The following CAMTA1 variants were observed in gnomAD, a reference collection of about 807,000 sequenced individuals.
CAMTA1 encodes calmodulin-binding transcription activator 1.
Under a neutral mutation model 170.9 loss-of-function variants are expected in CAMTA1, and 27 were observed. That is an observed-to-expected ratio of 0.16 (90% confidence interval 0.12 to 0.22). The LOEUF is 0.22. CAMTA1 is among the 10% of genes least tolerant of loss of function. The pLI is 1.00. For synonymous variants in CAMTA1, 833 were observed against 891.5 expected, an observed-to-expected ratio of 0.93 and a Z score of 1.17; for missense variants, 1,619 against 2,217.2, an observed-to-expected ratio of 0.73 and a Z score of 5.42.
At chr1:7,328,721 A>T (rs2082847527) in intron 5 of CAMTA1, among the ~76,000 whole-genome samples, 1 of 151,120 alleles carries the variant, frequency 6.6e-6, no homozygotes, top group East Asian at 1.9e-4. Flanking sequence ...ACTATCTAGT[A>T]TTTTCTTTAC....
intron 4 of CAMTA1, among the ~76,000 whole-genome samples, chr1:7,150,586 C>T (rs1008404377): frequency 1.4e-4 from 21 of 152,046 alleles, no homozygotes; most frequent in Admixed American, 9.2e-4. Context: ...CAATAGCACC[C>T]CCGACAACCA....
In CAMTA1 at chr1:6,792,085, C is replaced by T. The variant is rs1353306092; in HGVS notation, c.45+6510C>T. The stretch of plus-strand genomic sequence containing the variant: ...TGTCCTGCTTCAGCCTCCAAAGTAG[C>T]TGGGATTACAGGCGTGCACCACCAT... On this transcript the variant is annotated intron_variant, in intron 1 of 22. Coordinates refer to ENST00000303635, the MANE Select transcript of CAMTA1 (RefSeq NM_015215.4). Among the ~76,000 whole-genome samples, 3 of 152,096 alleles carry T rather than the reference C, an allele frequency of 2.0e-5. No homozygotes were observed. In the East Asian group the frequency reaches 5.8e-4, roughly 29 times the overall value.
Position 7,588,303 on chromosome 1 carries a change from G to C in CAMTA1, c.511-52097G>C, listed in dbSNP as rs2095327832. Among the ~76,000 whole-genome samples, 1 of 151,052 alleles carries C rather than the reference G, an allele frequency of 6.6e-6. No individual in the cohort carries two copies. The highest frequency in any genetic ancestry group is 1.5e-5 in the Non-Finnish European group (1 of 68,026). ...TGGTGTGGCCCTGCTGGGGACCCCG[G>C]GTCTGTCAGGTCTGGTGAGAGGTGG... On this transcript the variant is annotated intron_variant, in intron 6 of 22. Coordinates refer to ENST00000303635, the MANE Select transcript of CAMTA1 (RefSeq NM_015215.4). The surrounding 1 kb of genome is among the most constrained non-coding windows in gnomAD (Gnocchi z 5.8).
At chr1:6,998,660 G>C (rs1460149745) in intron 3 of CAMTA1, among the ~76,000 whole-genome samples, 1 of 152,234 alleles carries the variant, frequency 6.6e-6, no homozygotes, top group Non-Finnish European at 1.5e-5. Context: ...GAGCCACGGA[G>C]GCAGCACTTT....
At chr1:7,655,128 CTA>C (rs2095881039) in intron 7 of CAMTA1, among the ~76,000 whole-genome samples, 2 of 88,068 alleles carry the variant, frequency 2.3e-5, no homozygotes, top group Non-Finnish European at 4.4e-5. Context: ...ACACACACCT[CTA>C]TACACACAAA....
At chr1:6,787,890 C>CGT (rs1639875338) in intron 1 of CAMTA1, among the ~76,000 whole-genome samples, 1 of 151,914 alleles carries the variant, frequency 6.6e-6, no homozygotes, top group Non-Finnish European at 1.5e-5. Flanking sequence ...AAAGAGATTT[C>CGT]GTGTGTTTGG....
Position 6,990,831 on chromosome 1 carries a change from A to G in CAMTA1, c.235-100473A>G, listed in dbSNP as rs142441292. 3.9e-3 allele frequency among the ~76,000 whole-genome samples: 579 copies of G among 150,168 alleles called. 1 individual carries two copies. The highest frequency in any genetic ancestry group is 8.3e-3 in the African/African-American group (340 of 40,852). Reference sequence around the variant, plus strand: ...TATATATATATATATTTATATATATATGTGTGTGTGTGTTTTAATCTCAAT... The same window carrying G: ...TATATATATATATATTTATATATATGTGTGTGTGTGTGTTTTAATCTCAAT... On this transcript the variant is annotated intron_variant, in intron 3 of 22. Transcript: ENST00000303635.
intron 11 of CAMTA1, among the ~76,000 whole-genome samples, chr1:7,692,377 GA>G (rs931669932): frequency 4.6e-5 from 7 of 152,296 alleles, no homozygotes; most frequent in Non-Finnish European, 1.0e-4. Flanking sequence ...AGGCCTCAGA[GA>G]GGGAGGGGGT....
intron 5 of CAMTA1, among the ~76,000 whole-genome samples, chr1:7,331,314 A>G (rs949738574): frequency 6.6e-6 from 1 of 152,206 alleles, no homozygotes; most frequent in Non-Finnish European, 1.5e-5. Flanking sequence ...CTATGGGGCC[A>G]TCATCGGTTT....
At chr1:7,279,627 C>T (rs1204103181) in intron 5 of CAMTA1, among the ~76,000 whole-genome samples, 3 of 152,174 alleles carry the variant, frequency 2.0e-5, no homozygotes, top group African/African-American at 7.2e-5. Flanking sequence ...GCAGAGATAA[C>T]CTCCTGGCCT....
chr1:7,683,652 G>A (rs780864236), intron 11 of CAMTA1, among the ~76,000 whole-genome samples: 10 of 152,226 alleles, frequency 6.6e-5, no homozygotes, highest in African/African-American at 9.6e-5. Flanking sequence ...GGTGACAGAA[G>A]CAGCTGGCGT....
intron 3 of CAMTA1, among the ~76,000 whole-genome samples, chr1:7,004,944 G>T (rs190825317): frequency 0.02 from 3,023 of 151,944 alleles, 81 homozygotes; most frequent in African/African-American, 0.068. Context: ...ATTTTTTTTT[G>T]TGTTTTTAGT....
intron 5 of CAMTA1, among the ~76,000 whole-genome samples, chr1:7,398,181 CTCTCTCTCTCTCTATATATATATATAT>C (rs1324480637): frequency 8.8e-5 from 4 of 45,554 alleles, no homozygotes; most frequent in African/African-American, 3.4e-4. Context: ...CTCTCTCTCT[CTCTCTCTCTCTCTATATATATATATAT>C]ATATATATAT....
chr1:7,745,025 G>T lies in CAMTA1; in HGVS notation c.4370+3G>T. The T allele has an allele frequency of 6.2e-7, 1 of 1,609,146 alleles. No homozygotes were observed. Among genetic ancestry groups the T allele is most frequent in the Non-Finnish European group, 8.5e-7 (1 of 1,177,762 alleles). ...CTTCCCAGTGCTGCCCAGATCCGGT[G>T]AGTAAAGTTACGGAGGTCACTACCC... is the stretch of plus-strand genomic sequence containing the variant. On this transcript the variant is annotated splice_donor_region_variant and intron_variant, in intron 17 of 22. Transcript: ENST00000303635.
chr1:7,400,845 G>T (rs1193021175), intron 5 of CAMTA1, among the ~76,000 whole-genome samples: 1 of 152,148 alleles, frequency 6.6e-6, no homozygotes, highest in African/African-American at 2.4e-5. Flanking sequence ...TGGAAGTGGG[G>T]CACCAGACTA....
At chr1:7,122,795 GAA>G (rs1644722054) in intron 4 of CAMTA1, among the ~76,000 whole-genome samples, 1 of 152,174 alleles carries the variant, frequency 6.6e-6, no homozygotes, top group South Asian at 2.1e-4. Flanking sequence ...GCTGAAGCCA[GAA>G]GCTTGGTGTC....
At chr1:7,754,159 T>A (rs970879766) in intron 21 of CAMTA1, among the ~76,000 whole-genome samples, 3 of 152,176 alleles carry the variant, frequency 2.0e-5, no homozygotes, top group Non-Finnish European at 4.4e-5. Context: ...CTGAGCAAGA[T>A]CCTATCCAGC....
intron 5 of CAMTA1, chr1:7,369,265 A>T (rs1297882690): frequency 6.6e-6 from 1 of 152,238 alleles, no homozygotes; most frequent in Non-Finnish European, 1.5e-5. Flanking sequence ...AAGGTCAGGA[A>T]GTTGAATAAC....
chr1:7,752,320 AT>A, intron 20 of CAMTA1, 138 bp from the exon 21 acceptor site: 2 of 721,564 alleles, frequency 2.8e-6, no homozygotes, highest in Non-Finnish European at 4.9e-6. Context: ...CCCCCTTCAG[AT>A]TGTATACATC....
Sources: allele counts gnomAD v4.1 joint callset (sites outside exome capture counted in the v4.1 genomes callset), GRCh38; gene constraint gnomAD v4.1.1; non-coding constraint Gnocchi (gnomAD v3.1); transcripts MANE v1.5; gene names NCBI Gene and HGNC (gene_info 2026-07-23, HGNC 2026-07-21).